ITGBL1: variants seen among roughly 807,000 people sequenced by gnomAD.
The protein encoded by ITGBL1 is integrin beta-like protein 1.
A neutral mutation model predicts 68.5 loss-of-function variants in ITGBL1; 51 were observed. The observed-to-expected ratio is 0.74, with a 90% CI of 0.59 to 0.94. The LOEUF (loss-of-function observed/expected upper bound fraction) is 0.94, where lower values mean the gene tolerates loss of function less well. ITGBL1 is among the 40% of genes least tolerant of loss of function. ITGBL1 has a pLI of 0.00. For synonymous variants in ITGBL1, 209 were observed against 227.3 expected (o/e 0.92, Z 0.72); for missense variants, 649 against 647.4 (o/e 1.00, Z -0.03).
At chr13:101,571,350 G>C (rs1017432238) in intron 3 of ITGBL1, among the ~76,000 whole-genome samples, 1 of 151,950 alleles carries the variant, frequency 6.6e-6, no homozygotes, top group Non-Finnish European at 1.5e-5. Flanking sequence ...CCCAAGATTG[G>C]GGTATGTAGT....
chr13:101,544,609 A>C (rs974970101), intron 2 of ITGBL1, among the ~76,000 whole-genome samples: 3 of 152,170 alleles, frequency 2.0e-5, no homozygotes, highest in Non-Finnish European at 4.4e-5. Flanking sequence ...AAGTCTGCAG[A>C]GGATTCTGCT....
chr13:101,568,464 T>A (rs2050217298), intron 3 of ITGBL1, among the ~76,000 whole-genome samples: 1 of 152,138 alleles, frequency 6.6e-6, no homozygotes, highest in Non-Finnish European at 1.5e-5. Flanking sequence ...TAATTAAATA[T>A]TCTTTTTACA....
intron 2 of ITGBL1, among the ~76,000 whole-genome samples, chr13:101,487,850 G>A (rs748295586): frequency 6.6e-6 from 1 of 152,170 alleles, no homozygotes; most frequent in Non-Finnish European, 1.5e-5. Flanking sequence ...AGTTCATTAA[G>A]GTCAGAAAGA....
chr13:101,463,045 T>C (rs1313098335), intron 2 of ITGBL1, among the ~76,000 whole-genome samples: 2 of 152,130 alleles, frequency 1.3e-5, no homozygotes, highest in Non-Finnish European at 1.5e-5. Context: ...TGTTTCCTTA[T>C]GGTTGAAAAG....
intron 2 of ITGBL1, among the ~76,000 whole-genome samples, chr13:101,478,220 A>G (rs2048565029): frequency 1.3e-5 from 2 of 152,158 alleles, no homozygotes; most frequent in South Asian, 4.1e-4. Context: ...TATCAGCAGA[A>G]TGAAGGACAA....
At chr13:101,549,292 C>G (rs914314244) in intron 2 of ITGBL1, among the ~76,000 whole-genome samples, 4 of 151,754 alleles carry the variant, frequency 2.6e-5, no homozygotes, top group Admixed American at 2.0e-4. Context: ...TATTATCTTA[C>G]AGTATAAAAT....
chr13:101,534,826 C>A (rs1211068991), intron 2 of ITGBL1, among the ~76,000 whole-genome samples: 2 of 152,050 alleles, frequency 1.3e-5, no homozygotes, highest in Non-Finnish European at 2.9e-5. Context: ...TAAATCTGCA[C>A]ATAAGTACAA....
chr13:101,525,470 T>TTTTCCTACCTG (rs59579161), intron 2 of ITGBL1, among the ~76,000 whole-genome samples: 3 of 151,164 alleles, frequency 2.0e-5, no homozygotes, highest in African/African-American at 7.3e-5. Flanking sequence ...CATCACCTCC[T>TTTTCCTACCTG]TTTCTTGGCC....
intron 3 of ITGBL1, among the ~76,000 whole-genome samples, chr13:101,572,567 A>G (rs2050290750): frequency 6.6e-6 from 1 of 152,272 alleles, no homozygotes; most frequent in East Asian, 1.9e-4. Flanking sequence ...TTAACTGGCA[A>G]CCACGAGAGA....
chr13:101,664,643 G>A (rs1164989464), intron 7 of ITGBL1, among the ~76,000 whole-genome samples: 2 of 152,116 alleles, frequency 1.3e-5, no homozygotes, highest in Non-Finnish European at 2.9e-5. Flanking sequence ...CATAAATCAA[G>A]TGACCTTATG....
intron 7 of ITGBL1, among the ~76,000 whole-genome samples, chr13:101,630,947 G>A (rs998129036): frequency 1.3e-5 from 2 of 152,136 alleles, no homozygotes; most frequent in African/African-American, 4.8e-5. Flanking sequence ...TTTGAAGCAT[G>A]TGTTCTGAAT....
At chr13:101,622,477 A>G (rs2031622158) in intron 7 of ITGBL1, among the ~76,000 whole-genome samples, 2 of 151,926 alleles carry the variant, frequency 1.3e-5, no homozygotes, top group African/African-American at 4.8e-5. Flanking sequence ...CTGTGATCAC[A>G]TTTTCCTCCA....
intron 2 of ITGBL1, among the ~76,000 whole-genome samples, chr13:101,556,716 T>A (rs2050013340): frequency 6.6e-6 from 1 of 151,724 alleles, no homozygotes; most frequent in Non-Finnish European, 1.5e-5. Context: ...GAGGCAAAGA[T>A]CTGAGTGATG....
chr13:101,659,481 C>T (rs1019531645), intron 7 of ITGBL1, among the ~76,000 whole-genome samples: 6 of 152,122 alleles, frequency 3.9e-5, no homozygotes, highest in African/African-American at 7.2e-5. Context: ...TTAAAAGGAG[C>T]AAGTATATTT....
At chr13:101,628,891 TTC>T (rs1182931064) in intron 7 of ITGBL1, among the ~76,000 whole-genome samples, 1 of 152,120 alleles carries the variant, frequency 6.6e-6, no homozygotes, top group African/African-American at 2.4e-5. Context: ...AATTATTTTG[TTC>T]TGAGTTATAT....
chr13:101,516,761 A>T (rs1212940514), intron 2 of ITGBL1, among the ~76,000 whole-genome samples: 3 of 152,298 alleles, frequency 2.0e-5, no homozygotes, highest in South Asian at 4.1e-4. Context: ...TCTAGGAATA[A>T]AAAATACCTG....
At chr13:101,641,026 C>T (rs2032350186) in intron 7 of ITGBL1, among the ~76,000 whole-genome samples, 1 of 152,212 alleles carries the variant, frequency 6.6e-6, no homozygotes, top group Non-Finnish European at 1.5e-5. Context: ...GAAATCTGCA[C>T]TGCAGAACTT....
At chr13:101,470,845 G>A (rs1254110883) in intron 2 of ITGBL1, among the ~76,000 whole-genome samples, 1 of 152,096 alleles carries the variant, frequency 6.6e-6, no homozygotes, top group Non-Finnish European at 1.5e-5. Context: ...TGATAATACA[G>A]CTAACATTTA....
Position 101,452,680 on chromosome 13 carries a change from C to A in ITGBL1, c.-154C>A, listed in dbSNP as rs983183192. 15 of 640,212 alleles carry A rather than the reference C, an allele frequency of 2.3e-5. No individual in the cohort carries two copies. The Admixed American group carries it at 3.3e-4, about 14-fold the overall frequency. The allele number at this position is 640,212 out of a possible 1,614,324, so 39.7% of individuals were successfully genotyped here. A position where few individuals can be genotyped will look rare whatever the true frequency, so the allele number is the denominator to read the frequency against. On this transcript the variant is annotated 5_prime_UTR_variant, in exon 1 of 11. Coordinates refer to ENST00000376180, the MANE Select transcript of ITGBL1 (RefSeq NM_004791.3). ...CGCAGGCAGCTCATCAACGCAATTG[C>A]AACTCCGGCTGGAGCCCCGGACCTG...
Sources: gnomAD v4.1 joint callset for allele counts (sites outside exome capture counted in the v4.1 genomes callset) on GRCh38, gnomAD v4.1.1 for gene constraint, MANE v1.5 for transcripts, NCBI Gene and HGNC (gene_info 2026-07-23, HGNC 2026-07-21) for gene names.